PTPRJ: variants seen among roughly 807,000 people sequenced by gnomAD.
PTPRJ encodes the protein protein tyrosine phosphatase receptor type J.
In PTPRJ, 129 loss-of-function variants were observed where a neutral mutation model predicts 141.3. The observed-to-expected ratio is 0.91, with a 90% confidence interval of 0.79 to 1.06. The LOEUF is 1.06. PTPRJ is among the 50% of genes least tolerant of loss of function. The pLI, the probability that PTPRJ is intolerant of heterozygous loss-of-function variation, is 0.00. For missense variants in PTPRJ, 1,601 were observed against 1,679.7 expected (o/e 0.95, Z 0.82); for synonymous variants, 610 against 640.5 (o/e 0.95, Z 0.72).
chr11:48,013,739 A>G, intron 1 of PTPRJ, among the ~76,000 whole-genome samples: 1 of 152,088 alleles, frequency 6.6e-6, no homozygotes, highest in East Asian at 1.9e-4. Context: ...TGGCTTAGTG[A>G]GCCAAGCAGA....
In PTPRJ at chr11:48,127,944, G is replaced by A; in HGVS notation, c.1258G>A (p.Val420Ile). The A allele has an allele frequency of 6.2e-7, 1 of 1,614,184 alleles. No individual in the cohort carries two copies. Among genetic ancestry groups the A allele is most frequent in the Non-Finnish European group, 8.5e-7 (1 of 1,180,026 alleles). ...TCTCAACGTCAGTGAGCCTCGCGCT[G>A]TCATCCCCGGACTCCGCTCCAGCAC... is the stretch of plus-strand genomic sequence containing the variant. The part of the protein sequence containing the change: ...SNLNVSEPRA[V>I]IPGLRSSTFY... The change falls in exon 7 of 25, where the codon GTC becomes ATC. Residue 420 changes from valine (V) to isoleucine (I), a missense_variant. Val to Ile is a conservative substitution (Grantham distance 29). Transcript: ENST00000418331.
At chr11:48,008,588 A>G (rs536422699) in intron 1 of PTPRJ, among the ~76,000 whole-genome samples, 1 of 136,630 alleles carries the variant, frequency 7.3e-6, no homozygotes, top group African/African-American at 2.8e-5. Context: ...TTTTGAGTTG[A>G]AGTTTTGCTC....
chr11:48,088,474 T>C (rs1855773190), intron 1 of PTPRJ, among the ~76,000 whole-genome samples: 1 of 152,170 alleles, frequency 6.6e-6, no homozygotes, highest in African/African-American at 2.4e-5. Flanking sequence ...TGGCTGCATA[T>C]GTTTGCAGAA....
rs553188131 is a variant in PTPRJ, at chr11:47,993,056, T to C, written c.96+12048T>C. On this transcript the variant is annotated intron_variant, in intron 1 of 24. Coordinates refer to ENST00000418331, the MANE Select transcript of PTPRJ (RefSeq NM_002843.4). ...CCCAATTATGCATTGTCAGTGTCTC[T>C]ATGTGTAGCTGGAAACCATTCCTGC... 2.0e-5 allele frequency among the ~76,000 whole-genome samples: 3 copies of C among 152,230 alleles called. No homozygotes were observed. In the South Asian group the frequency reaches 6.2e-4, roughly 32 times the overall value.
intron 1 of PTPRJ, among the ~76,000 whole-genome samples, chr11:48,001,349 A>AGTGTGTGTGTGTGT (rs57503257): frequency 8.7e-4 from 117 of 134,776 alleles, no homozygotes; most frequent in South Asian, 5.4e-3. Flanking sequence ...ACAGCCCCAA[A>AGTGTGTGTGTGTGT]GTGTGTGTGT....
intron 1 of PTPRJ, among the ~76,000 whole-genome samples, chr11:48,065,004 C>CTTTTTT (rs61139660): frequency 3.4e-5 from 4 of 117,208 alleles, no homozygotes; most frequent in Non-Finnish European, 5.1e-5. Context: ...CCTCAACTAC[C>CTTTTTT]TTTTTTTTTT....
At chr11:48,056,587 A>G (rs1233262453) in intron 1 of PTPRJ, among the ~76,000 whole-genome samples, 3 of 152,332 alleles carry the variant, frequency 2.0e-5, no homozygotes, top group Middle Eastern at 3.4e-3. Context: ...AGTACTTTGC[A>G]TCACTTAGCT....
intron 1 of PTPRJ, among the ~76,000 whole-genome samples, chr11:48,087,248 G>A (rs943624536): frequency 3.0e-4 from 45 of 152,140 alleles, no homozygotes; most frequent in African/African-American, 1.0e-3. Context: ...AGTTTTCAGC[G>A]GTCCTTGTTA....
At chr11:48,099,957 C>T (rs1856111643) in intron 1 of PTPRJ, among the ~76,000 whole-genome samples, 1 of 152,112 alleles carries the variant, frequency 6.6e-6, no homozygotes, top group Non-Finnish European at 1.5e-5. Flanking sequence ...GACCTGTCAC[C>T]ACCACCTGAG....
At chr11:48,011,125 A>G (rs1854772306) in intron 1 of PTPRJ, among the ~76,000 whole-genome samples, 2 of 152,108 alleles carry the variant, frequency 1.3e-5, no homozygotes, top group Non-Finnish European at 2.9e-5. Flanking sequence ...CATTGGCACA[A>G]TCTGCCTTTC....
chr11:48,148,547 C>T (rs1308154183), intron 15 of PTPRJ, among the ~76,000 whole-genome samples: 1 of 151,990 alleles, frequency 6.6e-6, no homozygotes, highest in Non-Finnish European at 1.5e-5. Context: ...AAGCGATTCT[C>T]CTGTCTCAGC....
At chr11:48,153,599 G>A (rs900186895) in intron 18 of PTPRJ, among the ~76,000 whole-genome samples, 197 bp from the exon 19 acceptor site, 3 of 151,550 alleles carry the variant, frequency 2.0e-5, no homozygotes, top group African/African-American at 4.8e-5. Flanking sequence ...CTCCCTGAAG[G>A]TCCTTTCCTG....
chr11:48,162,675 G>T (rs1857815741), intron 22 of PTPRJ, among the ~76,000 whole-genome samples: 1 of 152,176 alleles, frequency 6.6e-6, no homozygotes, highest in African/African-American at 2.4e-5. Context: ...AGGTCACATG[G>T]GTACGGATGT....
chr11:48,007,357 C>T (rs765101428), intron 1 of PTPRJ, among the ~76,000 whole-genome samples: 3 of 152,008 alleles, frequency 2.0e-5, no homozygotes, highest in African/African-American at 4.8e-5. Context: ...GATCCGCCCA[C>T]CTCGGCCTCC....
intron 3 of PTPRJ, among the ~76,000 whole-genome samples, chr11:48,115,254 A>T (rs1266876601): frequency 6.6e-6 from 1 of 152,226 alleles, no homozygotes; most frequent in Admixed American, 6.5e-5. Context: ...TCCAGAACAT[A>T]ATCACACTGT....
At chr11:48,139,132 C>CAA (rs371060380) in intron 10 of PTPRJ, among the ~76,000 whole-genome samples, 1 of 145,988 alleles carries the variant, frequency 6.8e-6, no homozygotes, top group Non-Finnish European at 1.5e-5. Context: ...GACTCCGTCT[C>CAA]AAAAAAAAAA....
chr11:48,014,150 G>A (rs371246188), intron 1 of PTPRJ, among the ~76,000 whole-genome samples: 1 of 152,146 alleles, frequency 6.6e-6, no homozygotes, highest in South Asian at 2.1e-4. Flanking sequence ...CTCTCTATGG[G>A]GTAGTGGCCC....
In PTPRJ at chr11:48,137,079, C is replaced by T. The variant is rs763072219; in HGVS notation, c.1950C>T (p.Asp650=). ...AATLSWQNFD[D]ASPTYSYCLL... ...CTTTAAGTTGGCAGAACTTTGATGACGCCTCTCCCACGTACTCCTACTGCC... is the reference window on the plus strand; with the variant it reads ...CTTTAAGTTGGCAGAACTTTGATGATGCCTCTCCCACGTACTCCTACTGCC... The change falls in exon 10 of 25, where the codon GAC becomes GAT. Residue 650 remains aspartate (D), a synonymous_variant. Transcript: ENST00000418331. 2.2e-5 allele frequency: 36 copies of T among 1,603,858 alleles called. No homozygotes were observed. The highest frequency in any genetic ancestry group is 1.2e-4 in the Admixed American group (7 of 59,984).
At position 48,039,799 on chromosome 11, in the gene PTPRJ, T is replaced by G. The variant is rs888200055; in HGVS notation, c.96+58791T>G. Among the ~76,000 whole-genome samples, 43 of 152,124 alleles carry G rather than the reference T, an allele frequency of 2.8e-4. 1 individual carries two copies. The highest frequency in any genetic ancestry group is 2.1e-3 in the Admixed American group (32 of 15,292). On this transcript the variant is annotated intron_variant, in intron 1 of 24. Transcript: ENST00000418331. ...GTCTCCCTTTTGCCCTTTCTTTTTT[T>G]TTTTTTGAGACAGAGTTTTGCTATT...
Sources: allele counts gnomAD v4.1 joint callset (sites outside exome capture counted in the v4.1 genomes callset), GRCh38; gene constraint gnomAD v4.1.1; transcripts MANE v1.5; gene names NCBI Gene and HGNC (gene_info 2026-07-23, HGNC 2026-07-21).